Variants in AGBL1 observed in about 807,000 individuals in gnomAD.
AGBL1 encodes the protein cytosolic carboxypeptidase 4.
A neutral mutation model predicts 118.9 loss-of-function variants in AGBL1; 130 were observed. The ratio of observed to expected loss-of-function variants is 1.09; its 90% CI spans 0.95 to 1.26. The LOEUF (loss-of-function observed/expected upper bound fraction) is 1.26, where lower values mean the gene tolerates loss of function less well. Ranked by LOEUF, AGBL1 falls within the 50% of genes most tolerant of loss-of-function variation. The pLI, the probability that AGBL1 is intolerant of heterozygous loss-of-function variation, is 0.00. For missense variants in AGBL1, 1,584 were observed against 1,298.1 expected (o/e 1.22, Z -3.38); for synonymous variants, 555 against 478.9 (o/e 1.16, Z -2.08).
At chr15:86,981,496 T>C (rs546548043) in intron 23 of AGBL1, among the ~76,000 whole-genome samples, 6 of 152,326 alleles carry the variant, frequency 3.9e-5, no homozygotes, top group Admixed American at 6.5e-5. Flanking sequence ...GTCACTATTA[T>C]ATGAGTATTT....
intron 22 of AGBL1, among the ~76,000 whole-genome samples, chr15:86,772,547 A>G (rs538269963): frequency 4.6e-4 from 70 of 152,188 alleles, no homozygotes; most frequent in African/African-American, 1.6e-3. Flanking sequence ...GTGGTAATTC[A>G]TAAGCACACA....
At position 86,438,311 on chromosome 15, in the gene AGBL1, A is replaced by C. The variant is rs550565545; in HGVS notation, c.2555+40765A>C. ...CTGACATGAAATGCTCAATATACCT[A>C]AGTTCTTATTTTTATTATCTCATTA... On this transcript the variant is annotated intron_variant, in intron 18 of 22. Transcript: ENST00000614907. Among the ~76,000 whole-genome samples the C allele has an allele frequency of 5.9e-5, 9 of 152,276 alleles. No homozygotes were observed. The East Asian group carries it at 1.7e-3, about 29-fold the overall frequency.
intron 22 of AGBL1, among the ~76,000 whole-genome samples, chr15:86,748,702 G>A (rs1449591360): frequency 6.6e-6 from 1 of 151,522 alleles, no homozygotes; most frequent in African/African-American, 2.4e-5. Context: ...GTGTAAGGAA[G>A]TATCCAGTTT....
intron 17 of AGBL1, among the ~76,000 whole-genome samples, chr15:86,351,649 G>C (rs1241808158): frequency 6.6e-6 from 1 of 152,160 alleles, no homozygotes; most frequent in Admixed American, 6.5e-5. Context: ...ATCTGATCAT[G>C]TGTGGATATT....
intron 21 of AGBL1, among the ~76,000 whole-genome samples, chr15:86,617,297 G>C (rs868183843): frequency 6.6e-6 from 1 of 152,178 alleles, no homozygotes; most frequent in African/African-American, 2.4e-5. Context: ...TAATATTCCT[G>C]TGACCTTTCA....
intron 22 of AGBL1, among the ~76,000 whole-genome samples, chr15:86,776,750 A>G (rs1436198666): frequency 1.5e-4 from 21 of 139,730 alleles, no homozygotes; most frequent in South Asian, 9.3e-4. Flanking sequence ...ATATATATAT[A>G]TGTGTGTGTG....
intron 2 of AGBL1, among the ~76,000 whole-genome samples, chr15:86,143,036 A>G (rs2076984359): frequency 6.6e-6 from 1 of 152,214 alleles, no homozygotes; most frequent in Non-Finnish European, 1.5e-5. Flanking sequence ...CCAAGTTGTA[A>G]TGAAATCGTT....
intron 17 of AGBL1, among the ~76,000 whole-genome samples, chr15:86,362,960 G>C (rs2080829000): frequency 1.3e-5 from 2 of 152,258 alleles, no homozygotes; most frequent in Admixed American, 6.5e-5. Context: ...TAATACCTGG[G>C]GCATGGACAG....
chr15:86,902,342 G>T (rs1596613224), intron 22 of AGBL1, among the ~76,000 whole-genome samples: 1 of 151,946 alleles, frequency 6.6e-6, no homozygotes, highest in African/African-American at 2.4e-5. Context: ...GTCTTAATTT[G>T]CATTTCCCTC....
intron 21 of AGBL1, among the ~76,000 whole-genome samples, chr15:86,589,142 A>T (rs1357539047): frequency 3.3e-5 from 5 of 152,132 alleles, no homozygotes; most frequent in Non-Finnish European, 4.4e-5. Context: ...GAACAGAATG[A>T]AGTACTCATT....
chr15:86,509,547 TG>T (rs1298598222), intron 18 of AGBL1, among the ~76,000 whole-genome samples: 1 of 152,128 alleles, frequency 6.6e-6, no homozygotes, highest in Non-Finnish European at 1.5e-5. Flanking sequence ...AATATACTTT[TG>T]GAATTATGTC....
At chr15:86,113,119 T>A (rs1200166391) in intron 1 of AGBL1, among the ~76,000 whole-genome samples, 3 of 152,194 alleles carry the variant, frequency 2.0e-5, no homozygotes, top group African/African-American at 7.2e-5. Context: ...ATTTTAGCTT[T>A]CCTGCTTCAG....
chr15:86,080,397 G>A (rs1355343240), intron 1 of AGBL1: 2 of 171,100 alleles, frequency 1.2e-5, no homozygotes, highest in African/African-American at 4.7e-5. Context: ...AGAGCTGTCT[G>A]GGAGGACAGG....
At chr15:87,005,056 T>A (rs1055615305) in intron 24 of AGBL1, among the ~76,000 whole-genome samples, 1 of 152,214 alleles carries the variant, frequency 6.6e-6, no homozygotes, top group Non-Finnish European at 1.5e-5. Context: ...TGCCAAGAGA[T>A]CCACTGTTAG....
intron 21 of AGBL1, among the ~76,000 whole-genome samples, chr15:86,576,770 A>C (rs1006001383): frequency 2.0e-5 from 3 of 152,162 alleles, no homozygotes; most frequent in Non-Finnish European, 4.4e-5. Flanking sequence ...AAGTCTTATG[A>C]GATCTGATGG....
intron 23 of AGBL1, among the ~76,000 whole-genome samples, chr15:86,941,872 C>T (rs1043691190): frequency 8.5e-5 from 13 of 152,296 alleles, no homozygotes; most frequent in Admixed American, 6.5e-5. Flanking sequence ...TTCTTCTCTG[C>T]CAGAATCTCT....
chr15:86,367,113 C>T (rs566324923), intron 17 of AGBL1, among the ~76,000 whole-genome samples: 10 of 152,176 alleles, frequency 6.6e-5, no homozygotes, highest in African/African-American at 2.2e-4. Flanking sequence ...TGTTTAGAAC[C>T]AAGTGACAAA....
At chr15:86,377,334 T>A (rs1391162924) in intron 17 of AGBL1, among the ~76,000 whole-genome samples, 2 of 152,190 alleles carry the variant, frequency 1.3e-5, no homozygotes, top group Non-Finnish European at 2.9e-5. Flanking sequence ...GGTGAGCCAC[T>A]CAGGACACTG....
intron 1 of AGBL1, among the ~76,000 whole-genome samples, chr15:86,111,824 G>C (rs34169309): frequency 0.16 from 24,312 of 152,150 alleles, 2,032 homozygotes; most frequent in East Asian, 0.22. Context: ...GAGGTGAGCA[G>C]TAGGCAAGTA....
Sources: gnomAD v4.1 joint callset for allele counts (sites outside exome capture counted in the v4.1 genomes callset) on GRCh38, gnomAD v4.1.1 for gene constraint, MANE v1.5 for transcripts, NCBI Gene and HGNC (gene_info 2026-07-23, HGNC 2026-07-21) for gene names.